RPTOR: variants seen among roughly 807,000 people sequenced by gnomAD.
RPTOR encodes the protein regulatory associated protein of MTOR complex 1, also known as regulatory-associated protein of mTOR.
In RPTOR, 21 loss-of-function variants were observed where a neutral mutation model predicts 169.9. That is an observed-to-expected ratio of 0.12 (90% CI 0.09 to 0.18). The LOEUF (loss-of-function observed/expected upper bound fraction) is 0.18, where lower values mean the gene tolerates loss of function less well. Ranked by LOEUF, RPTOR falls within the 10% of genes least tolerant of loss-of-function variation. RPTOR has a pLI of 1.00. For synonymous variants in RPTOR, 732 were observed against 753.2 expected (o/e 0.97, Z 0.46); for missense variants, 1,133 against 1,855.9 (o/e 0.61, Z 7.16).
chr17:80,822,545 G>A (rs146882917), intron 8 of RPTOR, among the ~76,000 whole-genome samples: 104 of 152,326 alleles, frequency 6.8e-4, no homozygotes, highest in African/African-American at 2.3e-3. Flanking sequence ...GGCCCTGACC[G>A]GTGCACAGCC....
At chr17:80,841,789 C>T (rs575773192) in intron 10 of RPTOR, among the ~76,000 whole-genome samples, 3 of 138,902 alleles carry the variant, frequency 2.2e-5, no homozygotes, top group East Asian at 4.4e-4. Context: ...TCACTCTCAC[C>T]GCACGGCAGC....
intron 1 of RPTOR, among the ~76,000 whole-genome samples, chr17:80,563,615 C>A (rs2084531719): frequency 1.4e-5 from 2 of 145,776 alleles, no homozygotes; most frequent in Non-Finnish European, 1.5e-5. Flanking sequence ...AGATAAAGTT[C>A]TGTTTTCTTT....
At chr17:80,548,232 C>T (rs1322692138) in intron 1 of RPTOR, among the ~76,000 whole-genome samples, 3 of 151,450 alleles carry the variant, frequency 2.0e-5, no homozygotes, top group African/African-American at 4.9e-5. Context: ...TATAAGTGTG[C>T]GCCAGTGTGT....
chr17:80,765,704 G>A (rs903749866), intron 6 of RPTOR, among the ~76,000 whole-genome samples: 17 of 152,136 alleles, frequency 1.1e-4, no homozygotes, highest in African/African-American at 4.1e-4. Context: ...CATTTGCCAT[G>A]ATTTCCTTCC....
intron 13 of RPTOR, among the ~76,000 whole-genome samples, chr17:80,874,858 C>T (rs2068089134): frequency 6.6e-6 from 1 of 152,176 alleles, no homozygotes; most frequent in Non-Finnish European, 1.5e-5. Flanking sequence ...TTGTTGGAAA[C>T]TTTTTTCCTT....
intron 6 of RPTOR, among the ~76,000 whole-genome samples, chr17:80,765,764 T>C (rs183082525): frequency 2.5e-3 from 384 of 152,278 alleles, no homozygotes; most frequent in Non-Finnish European, 3.9e-3. Flanking sequence ...ATGGAGGAAG[T>C]TGAGATCACT....
intron 1 of RPTOR, among the ~76,000 whole-genome samples, chr17:80,619,423 A>G (rs1171795772): frequency 1.3e-5 from 2 of 152,124 alleles, no homozygotes; most frequent in Admixed American, 6.6e-5. Flanking sequence ...ATTTTATCCA[A>G]TCAGTTATGA....
intron 7 of RPTOR, among the ~76,000 whole-genome samples, chr17:80,817,635 G>A (rs769577978): frequency 3.9e-5 from 6 of 152,126 alleles, no homozygotes; most frequent in African/African-American, 7.2e-5. Context: ...GGGCAGGTCC[G>A]GGAGAAGGGG....
chr17:80,669,620 G>T, intron 3 of RPTOR, among the ~76,000 whole-genome samples: 1 of 152,004 alleles, frequency 6.6e-6, no homozygotes, highest in East Asian at 1.9e-4. Context: ...CTGACCTCAG[G>T]TGATCCGCCC....
intron 2 of RPTOR, among the ~76,000 whole-genome samples, chr17:80,631,303 ACT>A (rs1009824460): frequency 8.6e-5 from 13 of 151,660 alleles, no homozygotes; most frequent in African/African-American, 3.2e-4. Context: ...GCCTCTCCAC[ACT>A]CTGTGCTGCC....
chr17:80,863,137 G>A (rs375689831), intron 13 of RPTOR, among the ~76,000 whole-genome samples: 2 of 152,172 alleles, frequency 1.3e-5, no homozygotes, highest in African/African-American at 4.8e-5. Context: ...ATGTGCCACC[G>A]GGGAGAAGTG....
At chr17:80,596,023 T>G (rs1259169741) in intron 1 of RPTOR, among the ~76,000 whole-genome samples, 1 of 152,214 alleles carries the variant, frequency 6.6e-6, no homozygotes, top group Non-Finnish European at 1.5e-5. Context: ...AACTAAAGGC[T>G]AGGGAGATGA....
Position 80,700,700 on chromosome 17 carries a change from G to A in RPTOR, c.349-7141G>A, listed in dbSNP as rs1598236079. Among the ~76,000 whole-genome samples the A allele has an allele frequency of 3.5e-4, 25 of 71,618 alleles. 1 individual carries two copies. Among genetic ancestry groups the A allele is most frequent in the Middle Eastern group, 8.9e-3 (1 of 112 alleles). The allele number at this position is 71,618 out of a possible 152,430, so 47.0% of individuals were successfully genotyped here. A position where few individuals can be genotyped will look rare whatever the true frequency, so the allele number is the denominator to read the frequency against. On this transcript the variant is annotated intron_variant, in intron 3 of 33. Coordinates refer to ENST00000306801, the MANE Select transcript of RPTOR (RefSeq NM_020761.3). ...GATGGAGGTGGTGGTGATGGTGATGGTGGTGGTGATGGTGGTGGTGGTGGT... is the reference window on the plus strand; with the variant it reads ...GATGGAGGTGGTGGTGATGGTGATGATGGTGGTGATGGTGGTGGTGGTGGT...
chr17:80,786,627 C>T (rs999040115), intron 6 of RPTOR, among the ~76,000 whole-genome samples: 5 of 152,148 alleles, frequency 3.3e-5, no homozygotes, highest in African/African-American at 4.8e-5. Context: ...ATGGAAGAGC[C>T]GCAGCAGCTG....
intron 6 of RPTOR, among the ~76,000 whole-genome samples, chr17:80,790,853 C>G (rs1187793890): frequency 6.6e-6 from 1 of 152,212 alleles, no homozygotes; most frequent in African/African-American, 2.4e-5. Flanking sequence ...ATTCTGCCCA[C>G]TGTATGCCAG....
At chr17:80,789,885 G>T (rs2080469044) in intron 6 of RPTOR, among the ~76,000 whole-genome samples, 1 of 152,198 alleles carries the variant, frequency 6.6e-6, no homozygotes, top group Admixed American at 6.5e-5. Context: ...GCAAAAGGAT[G>T]AGTCTGATAT....
intron 4 of RPTOR, among the ~76,000 whole-genome samples, chr17:80,729,444 T>C (rs762514175): frequency 3.9e-4 from 60 of 152,244 alleles, no homozygotes; most frequent in Non-Finnish European, 7.8e-4. Context: ...GGATTGTAAG[T>C]GTTTCTCAAG....
At chr17:80,566,859 A>G (rs967538215) in intron 1 of RPTOR, among the ~76,000 whole-genome samples, 2 of 146,680 alleles carry the variant, frequency 1.4e-5, no homozygotes, top group African/African-American at 5.0e-5. Context: ...AAAAGAATGT[A>G]TATTTTCCTG....
chr17:80,743,926 G>C (rs368947879), intron 5 of RPTOR, among the ~76,000 whole-genome samples: 1,116 of 6,236 alleles, frequency 0.18, 169 homozygotes, highest in African/African-American at 0.34. Context: ...GTTACTAGCA[G>C]AGCCCTGGTT....
Sources: gnomAD v4.1 joint callset for allele counts (sites outside exome capture counted in the v4.1 genomes callset) on GRCh38, gnomAD v4.1.1 for gene constraint, MANE v1.5 for transcripts, NCBI Gene and HGNC (gene_info 2026-07-23, HGNC 2026-07-21) for gene names.